Variants in STMN2 observed in about 807,000 individuals in gnomAD.
STMN2 encodes stathmin 2.
STMN2 carries 2 observed loss-of-function variants against 24.1 expected under a neutral mutation model. The observed-to-expected ratio is 0.08, with a 90% CI of 0.03 to 0.26. The LOEUF is 0.26. STMN2 is among the 10% of genes least tolerant of loss of function. The pLI is 1.00. For synonymous variants in STMN2, 83 were observed against 77.5 expected, an observed-to-expected ratio of 1.07 and a Z score of -0.37; for missense variants, 114 against 213.6, an observed-to-expected ratio of 0.53 and a Z score of 2.91.
In STMN2 at chr8:79,650,537, T is replaced by C. The variant is rs1810313032; in HGVS notation, c.289-4334T>C. Among the ~76,000 whole-genome samples, 3 of 152,326 alleles carry C rather than the reference T, an allele frequency of 2.0e-5. No individual in the cohort carries two copies. In the South Asian group the frequency reaches 6.2e-4, roughly 32 times the overall value. On this transcript the variant is annotated intron_variant, in intron 3 of 4. Coordinates refer to ENST00000220876, the MANE Select transcript of STMN2 (RefSeq NM_007029.4). ...ATTGATTAAACTGCCTATTTGCTCA[T>C]TGGAATTAGAGCCAATTTTTTTCCT... is the stretch of plus-strand genomic sequence containing the variant.
chr8:79,659,998 T>C (rs1019839011), intron 4 of STMN2, among the ~76,000 whole-genome samples: 1 of 152,218 alleles, frequency 6.6e-6, no homozygotes, highest in Non-Finnish European at 1.5e-5. Flanking sequence ...TTTCCATTAA[T>C]GTAGTACTTA....
rs1387816111 is a variant in STMN2, at chr8:79,665,778, T to C, written c.*904T>C. The stretch of plus-strand genomic sequence containing the variant: ...CTATAGTACAAGTACATGATGCTAC[T>C]GAATATTTTTCCACTTGGAAACTGT... On this transcript the variant is annotated 3_prime_UTR_variant, in exon 5 of 5. Coordinates refer to ENST00000220876, the MANE Select transcript of STMN2 (RefSeq NM_007029.4). The C allele has an allele frequency of 1.3e-5, 2 of 153,196 alleles. No homozygotes were observed. The highest frequency in any genetic ancestry group is 1.3e-4 in the Admixed American group (2 of 15,288). The allele number at this position is 153,196 out of a possible 1,614,324, so 9.5% of individuals were successfully genotyped here.
At chr8:79,619,926 C>T (rs1014585402) in intron 1 of STMN2, among the ~76,000 whole-genome samples, 4 of 151,606 alleles carry the variant, frequency 2.6e-5, no homozygotes, top group African/African-American at 9.7e-5. Context: ...AAGGAGCAGG[C>T]AAGCATAGAA....
chr8:79,656,618 G>C (rs1563448264), intron 4 of STMN2, among the ~76,000 whole-genome samples: 1 of 152,286 alleles, frequency 6.6e-6, no homozygotes, highest in South Asian at 2.1e-4. Flanking sequence ...AACTAAGGAT[G>C]TTCCCGCTTG....
intron 1 of STMN2, among the ~76,000 whole-genome samples, chr8:79,617,778 T>C (rs1212614811): frequency 6.6e-6 from 1 of 152,236 alleles, no homozygotes; most frequent in Non-Finnish European, 1.5e-5. Context: ...TTTCAACTGT[T>C]TTTCTGGTGT....
At chr8:79,618,717 T>C (rs924494109) in intron 1 of STMN2, among the ~76,000 whole-genome samples, 2 of 152,194 alleles carry the variant, frequency 1.3e-5, no homozygotes, top group African/African-American at 2.4e-5. Flanking sequence ...TTTTTATTAG[T>C]CATGATTAAA....
chr8:79,618,286 C>T (rs1036239154), intron 1 of STMN2, among the ~76,000 whole-genome samples: 1 of 152,068 alleles, frequency 6.6e-6, no homozygotes. Flanking sequence ...GCTATGAGGC[C>T]GTGTGGGTTG....
chr8:79,652,563 G>A (rs1436561242), intron 3 of STMN2, among the ~76,000 whole-genome samples: 1 of 151,954 alleles, frequency 6.6e-6, no homozygotes, highest in Non-Finnish European at 1.5e-5. Context: ...ACATGAAATT[G>A]CCAAAATTTT....
intron 3 of STMN2, among the ~76,000 whole-genome samples, chr8:79,647,377 C>CT (rs1218359106): frequency 6.6e-6 from 1 of 152,098 alleles, no homozygotes; most frequent in Non-Finnish European, 1.5e-5. Context: ...TTTAAAAAAA[C>CT]TTACGAGTTC....
chr8:79,648,986 A>T (rs1335180162), intron 3 of STMN2, among the ~76,000 whole-genome samples: 1 of 152,200 alleles, frequency 6.6e-6, no homozygotes, highest in Non-Finnish European at 1.5e-5. Flanking sequence ...TTTCATTAGC[A>T]TGCTCTCATT....
At chr8:79,641,677 GAGAGCAATGACAGCTGAAC>G in intron 3 of STMN2, 127 bp downstream of exon 3, 1 of 646,184 alleles carries the variant, frequency 1.5e-6, no homozygotes, top group Non-Finnish European at 2.3e-6. Flanking sequence ...CACACATACA[GAGAGCAATGACAGCTGAAC>G]CTGTGCCATG....
intron 3 of STMN2, among the ~76,000 whole-genome samples, chr8:79,644,917 C>T (rs761849046): frequency 3.9e-5 from 6 of 151,966 alleles, no homozygotes; most frequent in Non-Finnish European, 7.4e-5. Context: ...CACTTTGGGA[C>T]GCCGAGGCAG....
At chr8:79,631,584 T>G in intron 1 of STMN2, 1 of 542,498 alleles carries the variant, frequency 1.8e-6, no homozygotes, top group African/African-American at 2.1e-5. Context: ...TAAAGTTACA[T>G]CATTAATTAC....
At chr8:79,651,746 T>G (rs1263183811) in intron 3 of STMN2, among the ~76,000 whole-genome samples, 4 of 152,242 alleles carry the variant, frequency 2.6e-5, no homozygotes, top group African/African-American at 9.6e-5. Context: ...AGTAACTCTC[T>G]GTAAGCTGAT....
chr8:79,636,713 G>A (rs1289266994), intron 1 of STMN2, 89 bp from the exon 2 acceptor site: 21 of 1,196,188 alleles, frequency 1.8e-5, no homozygotes, highest in Non-Finnish European at 2.5e-5. Flanking sequence ...CACTCTGCAG[G>A]AGGCAATAAT....
chr8:79,611,744 T>C, intron 1 of STMN2: 1 of 983,814 alleles, frequency 1.0e-6, no homozygotes, highest in Non-Finnish European at 1.2e-6. Flanking sequence ...CATTTTACGG[T>C]ATTGTCTCGT....
chr8:79,656,109 G>C (rs1231111004), intron 4 of STMN2, among the ~76,000 whole-genome samples: 1 of 152,106 alleles, frequency 6.6e-6, no homozygotes, highest in African/African-American at 2.4e-5. Flanking sequence ...TTCATTCTCA[G>C]TCTCTGACTG....
chr8:79,627,377 A>G (rs1809681216), intron 1 of STMN2, among the ~76,000 whole-genome samples: 1 of 152,170 alleles, frequency 6.6e-6, no homozygotes, highest in South Asian at 2.1e-4. Flanking sequence ...ACCAAGTCAT[A>G]TGGTATTTTC....
At chr8:79,625,394 T>C (rs1809628674) in intron 1 of STMN2, among the ~76,000 whole-genome samples, 1 of 152,140 alleles carries the variant, frequency 6.6e-6, no homozygotes, top group Admixed American at 6.5e-5. Flanking sequence ...TCATCCTCAT[T>C]TTTACAGGTG....
Sources: gnomAD v4.1 joint callset for allele counts (sites outside exome capture counted in the v4.1 genomes callset) on GRCh38, gnomAD v4.1.1 for gene constraint, MANE v1.5 for transcripts, NCBI Gene and HGNC (gene_info 2026-07-23, HGNC 2026-07-21) for gene names.